Variants in ATP6V0A4 observed in about 807,000 individuals in gnomAD.
ATP6V0A4 encodes the protein ATPase H+ transporting V0 subunit a4.
ATP6V0A4 carries 86 observed loss-of-function variants against 107.3 expected under a neutral mutation model. The ratio of observed to expected loss-of-function variants is 0.80; its 90% confidence interval spans 0.67 to 0.96. The LOEUF (loss-of-function observed/expected upper bound fraction) is 0.96. Ranked by LOEUF, ATP6V0A4 falls within the 40% of genes least tolerant of loss-of-function variation. The pLI is 0.00. For missense variants in ATP6V0A4, 908 were observed against 1,045.6 expected (o/e 0.87, Z 1.81); for synonymous variants, 353 against 381.4 (o/e 0.93, Z 0.87).
chr7:138,743,715 T>C (rs1182253198), intron 14 of ATP6V0A4, among the ~76,000 whole-genome samples: 1 of 152,154 alleles, frequency 6.6e-6, no homozygotes, highest in African/African-American at 2.4e-5. Context: ...CAAAGGAAAG[T>C]TCCAGAATGA....
intron 14 of ATP6V0A4, among the ~76,000 whole-genome samples, chr7:138,742,408 C>A (rs1383332351): frequency 6.6e-6 from 1 of 152,064 alleles, no homozygotes; most frequent in Non-Finnish European, 1.5e-5. Flanking sequence ...GCTTGGGCCA[C>A]AGAACGAGAC....
chr7:138,768,548 G>C (rs1476432502), intron 5 of ATP6V0A4, among the ~76,000 whole-genome samples: 3 of 152,134 alleles, frequency 2.0e-5, no homozygotes, highest in Non-Finnish European at 4.4e-5. Context: ...GCTTCCCGAG[G>C]GCTATGCTGA....
rs1807230292 is a variant in ATP6V0A4, at chr7:138,768,990, G to A, written c.197-116C>T. On this transcript the variant is annotated intron_variant, in intron 4 of 21. Transcript: ENST00000310018. ...CAGCTCAGCTACCTGAATTGTCCTA[G>A]GAGCTGCCACAGCACCTGGATCCCA... 4 of 1,574,216 alleles carry A rather than the reference G, an allele frequency of 2.5e-6. No homozygotes were observed. In the African/African-American group the frequency reaches 4.1e-5, roughly 16 times the overall value.
intron 2 of ATP6V0A4, among the ~76,000 whole-genome samples, chr7:138,778,730 AAG>A (rs2130178262): frequency 6.6e-6 from 1 of 152,050 alleles, no homozygotes; most frequent in East Asian, 2.0e-4. Context: ...ATTGCCAGCA[AAG>A]CCCAAGTGGG....
intron 21 of ATP6V0A4, among the ~76,000 whole-genome samples, chr7:138,708,828 C>T (rs1388118592): frequency 6.6e-6 from 1 of 152,190 alleles, no homozygotes; most frequent in Non-Finnish European, 1.5e-5. Flanking sequence ...AATCCCAGCA[C>T]TTTGGGAGGC....
intron 20 of ATP6V0A4, among the ~76,000 whole-genome samples, chr7:138,710,113 C>T (rs1427691669): frequency 6.6e-6 from 1 of 152,036 alleles, no homozygotes; most frequent in African/African-American, 2.4e-5. Context: ...GCAGCCTTGA[C>T]CTCACAGGCT....
intron 14 of ATP6V0A4, among the ~76,000 whole-genome samples, chr7:138,744,846 G>A (rs1440199752): frequency 6.6e-6 from 1 of 152,072 alleles, no homozygotes; most frequent in Non-Finnish European, 1.5e-5. Flanking sequence ...GAGATTCCAG[G>A]CACCTGCCAC....
intron 2 of ATP6V0A4, among the ~76,000 whole-genome samples, chr7:138,780,422 T>C (rs936612368): frequency 6.6e-6 from 1 of 152,150 alleles, no homozygotes; most frequent in Non-Finnish European, 1.5e-5. Context: ...CCTCCAGCTA[T>C]GTGGCCCAGT....
chr7:138,736,091 A>G (rs115719947), intron 15 of ATP6V0A4, among the ~76,000 whole-genome samples: 31 of 152,080 alleles, frequency 2.0e-4, no homozygotes, highest in African/African-American at 7.2e-4. Context: ...CAAACAAACA[A>G]AAATTAGCCC....
At chr7:138,732,503 T>C (rs745468776) in intron 17 of ATP6V0A4, among the ~76,000 whole-genome samples, 25 of 151,556 alleles carry the variant, frequency 1.6e-4, no homozygotes, top group Admixed American at 2.0e-4. Context: ...CACTCAAGAG[T>C]AGGAGAGAGG....
chr7:138,786,179 T>A lies in ATP6V0A4; in HGVS notation c.-39A>T, dbSNP rs188574322. 3 of 152,538 alleles carry A rather than the reference T, an allele frequency of 2.0e-5. No homozygotes were observed. The highest frequency in any genetic ancestry group is 2.0e-4 in the Admixed American group (3 of 15,294). 9.4% of individuals were successfully genotyped at this position (152,538 alleles called of 1,614,324 possible). ...GTACCTTGGCTGTGTCTCTCTCTCT[T>A]CTTCTCTTCAGAGAAAAGCTGCTTT... On this transcript the variant is annotated 5_prime_UTR_variant, in exon 2 of 22. Coordinates refer to ENST00000310018, the MANE Select transcript of ATP6V0A4 (RefSeq NM_020632.3).
At chr7:138,734,598 G>A (rs1193540693) in intron 15 of ATP6V0A4, among the ~76,000 whole-genome samples, 7 of 152,036 alleles carry the variant, frequency 4.6e-5, no homozygotes, top group East Asian at 1.9e-4. Context: ...TCAACCTGGC[G>A]AAACCCTGTC....
chr7:138,733,828 G>A (rs984215446), intron 16 of ATP6V0A4, among the ~76,000 whole-genome samples: 6 of 151,926 alleles, frequency 3.9e-5, no homozygotes, highest in South Asian at 4.1e-4. Context: ...TCCACCTGTC[G>A]GCCTTCCAAA....
intron 5 of ATP6V0A4, among the ~76,000 whole-genome samples, chr7:138,768,055 T>C (rs1374166403): frequency 6.6e-6 from 1 of 152,164 alleles, no homozygotes; most frequent in African/African-American, 2.4e-5. Flanking sequence ...TGCCTCAGCC[T>C]CCCAAGTAGC....
intron 15 of ATP6V0A4, among the ~76,000 whole-genome samples, chr7:138,736,390 T>C (rs1463911919): frequency 6.6e-6 from 1 of 152,148 alleles, no homozygotes; most frequent in Non-Finnish European, 1.5e-5. Context: ...GATAAGGTAA[T>C]TTATCATAAC....
At chr7:138,770,043 C>A (rs535159036) in intron 3 of ATP6V0A4, among the ~76,000 whole-genome samples, 4 of 152,092 alleles carry the variant, frequency 2.6e-5, no homozygotes, top group African/African-American at 9.6e-5. Context: ...AGAGCAAGAC[C>A]CTGTCTCAAA....
At chr7:138,722,135 G>A in intron 18 of ATP6V0A4, 110 bp from the exon 19 acceptor site, 1 of 1,515,996 alleles carries the variant, frequency 6.6e-7, no homozygotes, top group South Asian at 1.2e-5. Flanking sequence ...ACCAGACACT[G>A]TTCTAAACAC....
At chr7:138,722,828 T>C (rs1025696634) in intron 18 of ATP6V0A4, among the ~76,000 whole-genome samples, 2 of 143,868 alleles carry the variant, frequency 1.4e-5, no homozygotes, top group African/African-American at 2.6e-5. Context: ...GGAGGCCAAG[T>C]TGAGAGGATT....
At chr7:138,708,061 A>T (rs1197332829) in intron 21 of ATP6V0A4, among the ~76,000 whole-genome samples, 6 of 146,188 alleles carry the variant, frequency 4.1e-5, no homozygotes, top group Admixed American at 4.1e-4. Context: ...TTATTTATTT[A>T]TTTATTTTGA....
Sources: allele counts gnomAD v4.1 joint callset (sites outside exome capture counted in the v4.1 genomes callset), GRCh38; gene constraint gnomAD v4.1.1; transcripts MANE v1.5; gene names NCBI Gene and HGNC (gene_info 2026-07-23, HGNC 2026-07-21).